LNX1: variants seen among roughly 807,000 people sequenced by gnomAD.
LNX1 encodes E3 ubiquitin-protein ligase LNX.
LNX1 carries 54 observed loss-of-function variants against 68.4 expected under a neutral mutation model. The ratio of observed to expected loss-of-function variants is 0.79; its 90% CI spans 0.63 to 0.99. The LOEUF (loss-of-function observed/expected upper bound fraction) is 0.99. Ranked by LOEUF, LNX1 falls within the 50% of genes least tolerant of loss-of-function variation. LNX1 has a pLI of 0.00. For missense variants in LNX1, 906 were observed against 926.4 expected (o/e 0.98, Z 0.29); for synonymous variants, 336 against 350.0 (o/e 0.96, Z 0.45).
intron 9 of LNX1, among the ~76,000 whole-genome samples, chr4:53,472,217 C>T (rs1379117775): frequency 6.6e-6 from 1 of 152,116 alleles, no homozygotes; most frequent in African/African-American, 2.4e-5. Context: ...AACCATCATT[C>T]TCAGCAAACT....
At chr4:53,644,464 G>A (rs1734806557) in intron 1 of LNX1, among the ~76,000 whole-genome samples, 1 of 152,118 alleles carries the variant, frequency 6.6e-6, no homozygotes, top group Admixed American at 6.6e-5. Context: ...TAAATGTAAA[G>A]TGACTTAAGC....
At chr4:53,562,789 C>T (rs1730377341) in intron 2 of LNX1, among the ~76,000 whole-genome samples, 2 of 152,100 alleles carry the variant, frequency 1.3e-5, no homozygotes, top group South Asian at 2.1e-4. Flanking sequence ...GTTTTCATCA[C>T]AAAAATGGTA....
At chr4:53,590,893 G>T (rs577170881) in intron 1 of LNX1, among the ~76,000 whole-genome samples, 49 of 152,268 alleles carry the variant, frequency 3.2e-4, no homozygotes, top group African/African-American at 1.2e-3. Context: ...AACAGAATTT[G>T]CCCTGAGGAA....
chr4:53,646,231 T>A (rs1379965526), intron 1 of LNX1, among the ~76,000 whole-genome samples: 1 of 152,172 alleles, frequency 6.6e-6, no homozygotes, highest in Non-Finnish European at 1.5e-5. Context: ...GAGCTCCAAC[T>A]CTGAGATGCC....
intron 2 of LNX1, among the ~76,000 whole-genome samples, chr4:53,570,124 G>T (rs552949910): frequency 0.063 from 9,122 of 145,698 alleles, 359 homozygotes; most frequent in Middle Eastern, 0.14. Context: ...CAGGGATCTA[G>T]AACTAGAAAT....
At chr4:53,496,644 A>G in intron 5 of LNX1, 2 of 408,558 alleles carry the variant, frequency 4.9e-6, no homozygotes, top group East Asian at 7.3e-5. Flanking sequence ...ACCCAAGCCC[A>G]CATATTTATT....
chr4:53,541,572 G>T (rs76535674), intron 2 of LNX1, among the ~76,000 whole-genome samples: 22,995 of 152,086 alleles, frequency 0.15, 2,129 homozygotes, highest in South Asian at 0.32. Context: ...CTATTCAGTT[G>T]TGTGTCAAAT....
intron 6 of LNX1, among the ~76,000 whole-genome samples, chr4:53,483,696 C>T (rs1012755728): frequency 4.6e-5 from 7 of 152,350 alleles, no homozygotes; most frequent in African/African-American, 1.4e-4. Flanking sequence ...TTCCTCTCTT[C>T]ATCCCATCCC....
chr4:53,491,098 C>T (rs562707931), intron 6 of LNX1, among the ~76,000 whole-genome samples: 1 of 152,254 alleles, frequency 6.6e-6, no homozygotes, highest in Admixed American at 6.5e-5. Context: ...CATATGTAGT[C>T]AAGATTTTTC....
At chr4:53,574,941 G>T (rs1731391084) in intron 1 of LNX1, among the ~76,000 whole-genome samples, 1 of 151,902 alleles carries the variant, frequency 6.6e-6, no homozygotes, top group South Asian at 2.1e-4. Context: ...GGGCCTTTAA[G>T]CTTTGTTCTA....
Position 53,568,800 on chromosome 4 carries a change from C to A in LNX1, c.380+4823G>T, listed in dbSNP as rs370678208. Among the ~76,000 whole-genome samples the A allele has an allele frequency of 7.7e-3, 1,167 of 151,086 alleles. 16 individuals carry two copies. The highest frequency in any genetic ancestry group is 0.027 in the African/African-American group (1,082 of 40,398). ...CCCAAAATCTCCTTAAGCTGATAAG[C>A]GACTTCAGCAAAGTCTCAGGACACA... On this transcript the variant is annotated intron_variant, in intron 2 of 10. Coordinates refer to ENST00000263925, the MANE Select transcript of LNX1 (RefSeq NM_001126328.3).
At chr4:53,542,865 T>A (rs767486713) in intron 2 of LNX1, among the ~76,000 whole-genome samples, 25 of 152,062 alleles carry the variant, frequency 1.6e-4, no homozygotes, top group Non-Finnish European at 3.5e-4. Flanking sequence ...CAGGAATAAA[T>A]CAGGGGGAAA....
intron 6 of LNX1, among the ~76,000 whole-genome samples, chr4:53,492,464 T>C (rs2109455113): frequency 6.9e-6 from 1 of 144,352 alleles, no homozygotes; most frequent in East Asian, 2.1e-4. Flanking sequence ...AGTAACGATC[T>C]GCAACTTTAA....
intron 1 of LNX1, among the ~76,000 whole-genome samples, chr4:53,642,840 C>G (rs1232803830): frequency 2.0e-5 from 3 of 152,142 alleles, no homozygotes; most frequent in Non-Finnish European, 4.4e-5. Flanking sequence ...TCCCCAGATC[C>G]CTCCCAGCCA....
chr4:53,572,368 T>C (rs1165238083), intron 2 of LNX1, among the ~76,000 whole-genome samples: 1 of 152,184 alleles, frequency 6.6e-6, no homozygotes, highest in Non-Finnish European at 1.5e-5. Context: ...GGTGGAAGCA[T>C]CTGGCTGAAC....
At chr4:53,606,557 T>G (rs1256688475) in intron 2 of LNX1, among the ~76,000 whole-genome samples, 3 of 151,990 alleles carry the variant, frequency 2.0e-5, no homozygotes, top group African/African-American at 7.2e-5. Context: ...CTGGTACCAC[T>G]CCTACTGAAA....
intron 2 of LNX1, among the ~76,000 whole-genome samples, chr4:53,538,115 A>G (rs1728503448): frequency 6.6e-6 from 1 of 152,220 alleles, no homozygotes; most frequent in Non-Finnish European, 1.5e-5. Flanking sequence ...AACAAAACAG[A>G]ACAAAACAAA....
At chr4:53,482,132 C>A (rs1157789095) in intron 6 of LNX1, among the ~76,000 whole-genome samples, 6 of 152,148 alleles carry the variant, frequency 3.9e-5, no homozygotes, top group African/African-American at 1.4e-4. Flanking sequence ...TCAGATATTG[C>A]TAATTCATTT....
chr4:53,626,253 A>G (rs774346728), intron 1 of LNX1, among the ~76,000 whole-genome samples: 15 of 152,206 alleles, frequency 9.9e-5, no homozygotes, highest in Non-Finnish European at 1.8e-4. Context: ...GGGAATAGAA[A>G]AAGATCACAA....
Sources: allele counts gnomAD v4.1 joint callset (sites outside exome capture counted in the v4.1 genomes callset), GRCh38; gene constraint gnomAD v4.1.1; transcripts MANE v1.5; gene names NCBI Gene and HGNC (gene_info 2026-07-23, HGNC 2026-07-21).